Variants in TCF4 observed in about 807,000 individuals in gnomAD.
TCF4 encodes the protein SL3-3 enhancer factor 2.
In TCF4, 3 loss-of-function variants were observed where a neutral mutation model predicts 82.1. The observed-to-expected ratio is 0.04, with a 90% CI of 0.02 to 0.09. The LOEUF is 0.09. TCF4 is among the 10% of genes least tolerant of loss of function. TCF4 has a pLI of 1.00. For missense variants in TCF4, 518 were observed against 852.7 expected (o/e 0.61, Z 4.89); for synonymous variants, 276 against 309.6 (o/e 0.89, Z 1.14).
intron 2 of TCF4, among the ~76,000 whole-genome samples, chr18:55,621,629 A>AT (rs2097719547): frequency 4.0e-5 from 3 of 75,758 alleles, no homozygotes; most frequent in Non-Finnish European, 7.1e-5. Flanking sequence ...TATATATAAT[A>AT]TATATATTAT....
At chr18:55,286,551 T>C (rs986374145) in intron 8 of TCF4, among the ~76,000 whole-genome samples, 3 of 152,158 alleles carry the variant, frequency 2.0e-5, no homozygotes, top group African/African-American at 7.2e-5. Flanking sequence ...ACTTAAAGAT[T>C]CCAATGGGCA....
chr18:55,267,776 T>C (rs1024594537), intron 11 of TCF4: 1 of 152,174 alleles, frequency 6.6e-6, no homozygotes, highest in African/African-American at 2.4e-5. Flanking sequence ...AAATAATGTA[T>C]GAAATAAATT....
At chr18:55,544,546 G>A (rs1284723655) in intron 3 of TCF4, among the ~76,000 whole-genome samples, 1 of 152,072 alleles carries the variant, frequency 6.6e-6, no homozygotes, top group Non-Finnish European at 1.5e-5. Context: ...CTCTTTTGAG[G>A]ACCATTCTTC....
intron 3 of TCF4, among the ~76,000 whole-genome samples, chr18:55,527,647 G>C (rs10503003): frequency 0.011 from 1,654 of 152,198 alleles, 18 homozygotes; most frequent in South Asian, 0.05. Context: ...CCACGTGCAT[G>C]ATAAGCTCTC....
chr18:55,264,222 A>G (rs983485203), intron 11 of TCF4, among the ~76,000 whole-genome samples: 1 of 152,204 alleles, frequency 6.6e-6, no homozygotes, highest in African/African-American at 2.4e-5. Context: ...ATAGAATTAA[A>G]AATAGAATCA....
intron 6 of TCF4, among the ~76,000 whole-genome samples, chr18:55,369,536 G>A (rs960689841): frequency 2.6e-5 from 4 of 152,212 alleles, no homozygotes; most frequent in Admixed American, 2.6e-4. Context: ...AAGAGGATCA[G>A]GTAGCACATG....
At chr18:55,334,072 A>G (rs2078133886) in intron 8 of TCF4, among the ~76,000 whole-genome samples, 1 of 152,214 alleles carries the variant, frequency 6.6e-6, no homozygotes, top group South Asian at 2.1e-4. Context: ...GCAATGAACA[A>G]GGACTCAGCC....
At chr18:55,391,791 A>G (rs1182593023) in intron 6 of TCF4, among the ~76,000 whole-genome samples, 1 of 150,916 alleles carries the variant, frequency 6.6e-6, no homozygotes. Context: ...AAAAAAACTT[A>G]GCCAGCCCAG....
chr18:55,255,117 C>A (rs149688615), intron 14 of TCF4, among the ~76,000 whole-genome samples: 5 of 152,260 alleles, frequency 3.3e-5, no homozygotes, highest in African/African-American at 4.8e-5. Flanking sequence ...TAATTAAATT[C>A]TTTTCCTGAA....
chr18:55,399,880 T>TCTCTCTCTCTCTCA (rs1283846701), intron 6 of TCF4, among the ~76,000 whole-genome samples: 2 of 63,468 alleles, frequency 3.2e-5, no homozygotes, highest in Non-Finnish European at 5.9e-5. Flanking sequence ...TCTCTCTCTC[T>TCTCTCTCTCTCTCA]CACACACACA....
At chr18:55,522,352 T>C (rs996482985) in intron 3 of TCF4, among the ~76,000 whole-genome samples, 10 of 152,130 alleles carry the variant, frequency 6.6e-5, no homozygotes, top group Non-Finnish European at 8.8e-5. Context: ...GAAAAAAATC[T>C]GCACAATAAA....
rs755628496 is a variant in TCF4 at position 55,464,135 on chromosome 18, C to T, written c.148G>A (p.Val50Ile). The change falls in exon 4 of 20, where the codon GTA (valine) becomes ATA (isoleucine). Residue 50 changes from valine (V) to isoleucine (I), a missense_variant and splice_region_variant. Physicochemically the swap from Val to Ile is conservative, Grantham distance 29 (BLOSUM62 3). Coordinates refer to ENST00000354452, the MANE Select transcript of TCF4 (RefSeq NM_001083962.2). ...LASGHFTGSN[V>I]EDRSSSGSWG... is the part of the protein sequence containing the mutation. Reference sequence around the variant, plus strand: ...GACCCTGAGCTACTTCTGTCTTCTACATCTAGGGACAAGAGAAAAGTTCTT... The same window carrying T: ...GACCCTGAGCTACTTCTGTCTTCTATATCTAGGGACAAGAGAAAAGTTCTT... 5.0e-6 allele frequency: 8 copies of T among 1,614,020 alleles called. No individual in the cohort carries two copies. The highest frequency in any genetic ancestry group is 5.9e-6 in the Non-Finnish European group (7 of 1,179,912).
At chr18:55,406,436 G>A (rs2094093945) in intron 5 of TCF4, among the ~76,000 whole-genome samples, 2 of 151,884 alleles carry the variant, frequency 1.3e-5, no homozygotes, top group Admixed American at 1.3e-4. Flanking sequence ...ATTTTAAAAG[G>A]ACACCTCAGT....
chr18:55,314,722 C>T (rs1568941670), intron 8 of TCF4, among the ~76,000 whole-genome samples: 1 of 151,628 alleles, frequency 6.6e-6, no homozygotes, highest in Non-Finnish European at 1.5e-5. Flanking sequence ...ATCCAATACA[C>T]ACACTAGATG....
chr18:55,408,278 C>T (rs1206599282), intron 5 of TCF4, among the ~76,000 whole-genome samples: 1 of 152,154 alleles, frequency 6.6e-6, no homozygotes, highest in Non-Finnish European at 1.5e-5. Flanking sequence ...CAGGACAACA[C>T]CAAGCAAGGC....
In TCF4 at chr18:55,630,703, G is replaced by A. The variant is rs185389548; in HGVS notation, c.286+595C>T. 3.4e-4 allele frequency among the ~76,000 whole-genome samples: 52 copies of A among 152,284 alleles called. No homozygotes were observed. The East Asian group carries it at 6.6e-3, about 19-fold the overall frequency. ...TGGAGTTTATAACCCCAAAGAGGAGGCTTTACCAAATAATCCATAACACAG... is the reference window on the plus strand; with the variant it reads ...TGGAGTTTATAACCCCAAAGAGGAGACTTTACCAAATAATCCATAACACAG... On this transcript the variant is annotated intron_variant, in intron 2 of 20. Transcript: ENST00000398339.
At chr18:55,509,977 A>G (rs17597288) in intron 3 of TCF4, among the ~76,000 whole-genome samples, 20,771 of 152,198 alleles carry the variant, frequency 0.14, 1,485 homozygotes, top group African/African-American at 0.19. Flanking sequence ...GATCTAAAGC[A>G]ATAATCCTAA....
intron 6 of TCF4, chr18:55,401,046 G>C (rs1235115362): frequency 2.3e-6 from 3 of 1,288,936 alleles, no homozygotes; most frequent in African/African-American, 3.0e-5. Context: ...CTGCTATTTA[G>C]ACTTGAAGCC....
chr18:55,456,093 A>G (rs554058209), intron 5 of TCF4, among the ~76,000 whole-genome samples: 1 of 152,394 alleles, frequency 6.6e-6, no homozygotes, highest in East Asian at 1.9e-4. Context: ...CTGAAGTAAT[A>G]CAAACCTAAA....
Sources: gnomAD v4.1 joint callset for allele counts (sites outside exome capture counted in the v4.1 genomes callset) on GRCh38, gnomAD v4.1.1 for gene constraint, MANE v1.5 for transcripts, NCBI Gene and HGNC (gene_info 2026-07-23, HGNC 2026-07-21) for gene names.